Variants in FTCDNL1 observed in about 807,000 individuals in gnomAD.
The protein encoded by FTCDNL1 is formiminotransferase cyclodeaminase N-terminal like.
A neutral mutation model predicts 5.9 loss-of-function variants in FTCDNL1; 11 were observed. The ratio of observed to expected loss-of-function variants is 1.87; its 90% CI spans 1.18 to 3.10. The LOEUF is 3.10. Among genes scored for constraint, FTCDNL1 ranks in the 30% most tolerant of loss-of-function variants. FTCDNL1 has a pLI of 0.00. For missense variants in FTCDNL1, 115 were observed against 65.5 expected, an observed-to-expected ratio of 1.76 and a Z score of -2.61; for synonymous variants, 58 against 24.8, an observed-to-expected ratio of 2.34 and a Z score of -3.99.
chr2:199,832,816 A>T (rs2689766), intron 3 of FTCDNL1, among the ~76,000 whole-genome samples: 97,319 of 151,806 alleles, frequency 0.64, 31,420 homozygotes, highest in South Asian at 0.76. Flanking sequence ...GTCATCGATT[A>T]TCATAACCAT....
At chr2:199,724,225 G>A in the FTCDNL1 span, among the ~76,000 whole-genome samples, 2 of 152,042 alleles carry the variant, frequency 1.3e-5, no homozygotes, top group African/African-American at 4.8e-5. Flanking sequence ...GGGGTCAGTG[G>A]TGATATCCCC....
At chr2:199,746,426 T>C in the FTCDNL1 span, among the ~76,000 whole-genome samples, 2 of 151,848 alleles carry the variant, frequency 1.3e-5, no homozygotes, top group Admixed American at 1.3e-4. Context: ...TTGTATAGAG[T>C]CAAACCAATC....
At chr2:199,666,100 T>C in the FTCDNL1 span, among the ~76,000 whole-genome samples, 2 of 152,220 alleles carry the variant, frequency 1.3e-5, no homozygotes, top group Non-Finnish European at 1.5e-5. Context: ...TCCTCACCTA[T>C]AAATATGGAA....
At chr2:199,769,222 T>C (rs988716598) in intron 3 of FTCDNL1, among the ~76,000 whole-genome samples, 11 of 152,074 alleles carry the variant, frequency 7.2e-5, no homozygotes, top group African/African-American at 1.9e-4. Flanking sequence ...CAGAAAAAAA[T>C]TGAAGGAGTG....
chr2:199,754,909 C>T, the FTCDNL1 span, among the ~76,000 whole-genome samples: 1 of 152,224 alleles, frequency 6.6e-6, no homozygotes, highest in Non-Finnish European at 1.5e-5. Flanking sequence ...AGTTTAAACA[C>T]TTTTAGCGGT....
intron 3 of FTCDNL1, among the ~76,000 whole-genome samples, chr2:199,763,743 A>T (rs924033499): frequency 1.3e-5 from 2 of 152,274 alleles, no homozygotes; most frequent in Non-Finnish European, 2.9e-5. Flanking sequence ...AAGGATTTAC[A>T]GTCAGACTGG....
intron 3 of FTCDNL1, among the ~76,000 whole-genome samples, chr2:199,839,709 A>G (rs748197785): frequency 6.6e-6 from 1 of 152,250 alleles, no homozygotes; most frequent in Non-Finnish European, 1.5e-5. Flanking sequence ...GAAAGGTCAC[A>G]TACAAAAAAT....
intron 4 of FTCDNL1, among the ~76,000 whole-genome samples, chr2:199,817,561 T>C (rs990409152): frequency 6.6e-6 from 1 of 151,588 alleles, no homozygotes; most frequent in African/African-American, 2.4e-5. Flanking sequence ...CCAAGGTGGG[T>C]AGATGGCCTG....
chr2:199,795,464 T>C (rs1357980761), intron 3 of FTCDNL1, among the ~76,000 whole-genome samples: 3 of 152,194 alleles, frequency 2.0e-5, no homozygotes, highest in Non-Finnish European at 4.4e-5. Flanking sequence ...ATTCTTTATA[T>C]TTCTACATGG....
At chr2:199,783,386 G>A (rs1399395957) in intron 3 of FTCDNL1, among the ~76,000 whole-genome samples, 1 of 152,068 alleles carries the variant, frequency 6.6e-6, no homozygotes, top group East Asian at 1.9e-4. Flanking sequence ...CTACTTTAAT[G>A]ACACCAATGT....
chr2:199,696,181 T>A, the FTCDNL1 span, among the ~76,000 whole-genome samples: 1 of 152,164 alleles, frequency 6.6e-6, no homozygotes, highest in Non-Finnish European at 1.5e-5. Context: ...ACCCTGCCAC[T>A]AGGGCAAGCG....
intron 3 of FTCDNL1, among the ~76,000 whole-genome samples, chr2:199,772,775 C>A (rs1464167652): frequency 6.6e-6 from 1 of 152,180 alleles, no homozygotes; most frequent in Non-Finnish European, 1.5e-5. Flanking sequence ...CAAGATAAGA[C>A]CTTAAATGTA....
At chr2:199,733,125 T>C in the FTCDNL1 span, among the ~76,000 whole-genome samples, 1 of 152,182 alleles carries the variant, frequency 6.6e-6, no homozygotes, top group Non-Finnish European at 1.5e-5. Context: ...AGGTGGTGTT[T>C]GCCATAAGCA....
At chr2:199,765,556 A>ATATATATATATATATATTTTTT in intron 3 of FTCDNL1, among the ~76,000 whole-genome samples, 1 of 42,656 alleles carries the variant, frequency 2.3e-5, no homozygotes, top group African/African-American at 6.4e-5. Flanking sequence ...ATATATATAT[A>ATATATATATATATATATTTTTT]TTTTTTTTTT....
At chr2:199,770,152 C>A (rs1212846369) in intron 3 of FTCDNL1, among the ~76,000 whole-genome samples, 1 of 152,318 alleles carries the variant, frequency 6.6e-6, no homozygotes, top group Non-Finnish European at 1.5e-5. Context: ...ACCCTTACTG[C>A]TTGATCCTGT....
At chr2:199,814,165 T>C (rs2106469171) in intron 4 of FTCDNL1, among the ~76,000 whole-genome samples, 1 of 152,252 alleles carries the variant, frequency 6.6e-6, no homozygotes, top group South Asian at 2.1e-4. Flanking sequence ...GTATTTTAAA[T>C]TTTTTAGACC....
At chr2:199,818,842 T>C (rs552096684) in intron 4 of FTCDNL1, 1 of 152,246 alleles carries the variant, frequency 6.6e-6, no homozygotes, top group Non-Finnish European at 1.5e-5. Context: ...ATGGTTTAAT[T>C]TGTGGCCCCA....
At chr2:199,679,511 T>G in the FTCDNL1 span, among the ~76,000 whole-genome samples, 2 of 152,122 alleles carry the variant, frequency 1.3e-5, no homozygotes, top group South Asian at 4.1e-4. Flanking sequence ...GCATTTTGCT[T>G]TTTTCCTCGT....
intron 4 of FTCDNL1, chr2:199,818,508 G>A (rs1701488811): frequency 1.3e-5 from 2 of 152,026 alleles, no homozygotes; most frequent in African/African-American, 4.8e-5. Context: ...TATAGATACG[G>A]GAACCAAAGC....
Sources: gnomAD v4.1 joint callset for allele counts (sites outside exome capture counted in the v4.1 genomes callset) on GRCh38, gnomAD v4.1.1 for gene constraint, MANE v1.5 for transcripts, NCBI Gene and HGNC (gene_info 2026-07-23, HGNC 2026-07-21) for gene names.